The following CA1 variants were observed in gnomAD, a reference collection of about 807,000 sequenced individuals.
CA1 encodes the protein carbonic anhydrase 1, also known as carbonate dehydratase I.
A neutral mutation model predicts 28.8 loss-of-function variants in CA1; 27 were observed. The ratio of observed to expected loss-of-function variants is 0.94; its 90% CI spans 0.69 to 1.29. CA1 has a LOEUF of 1.29. CA1 is among the 50% of genes most tolerant of loss of function. The pLI is 0.00. For missense variants in CA1, 335 were observed against 310.5 expected, an observed-to-expected ratio of 1.08 and a Z score of -0.59; for synonymous variants, 121 against 108.8, an observed-to-expected ratio of 1.11 and a Z score of -0.70.
At position 85,332,556 on chromosome 8, in the gene CA1, G is replaced by A. The variant is rs779530817; in HGVS notation, c.451-4C>T. ...GCTTTGGGTTGGCCTCACCAACCTG[G>A]AGATTTAAGAAAATAAAGTATGAGA... On this transcript the variant is annotated splice_region_variant and splice_polypyrimidine_tract_variant and intron_variant, in intron 5 of 7. Transcript: ENST00000523022. 6.2e-7 allele frequency: 1 copy of A among 1,607,338 alleles called. No homozygotes were observed. Among genetic ancestry groups the A allele is most frequent in the Non-Finnish European group, 8.5e-7 (1 of 1,174,218 alleles).
chr8:85,366,144 C>T (rs75988238), intron 1 of CA1, among the ~76,000 whole-genome samples: 6,110 of 151,416 alleles, frequency 0.04, 189 homozygotes, highest in Non-Finnish European at 0.065. Flanking sequence ...GGGGAGAAGC[C>T]CCACCATGCT....
intron 1 of CA1, among the ~76,000 whole-genome samples, chr8:85,374,208 T>C (rs1810328085): frequency 6.6e-6 from 1 of 152,046 alleles, no homozygotes; most frequent in African/African-American, 2.4e-5. Context: ...ATCAAAAATA[T>C]CACAAAATCT....
At chr8:85,349,440 CT>C (rs1253732818) in intron 1 of CA1, among the ~76,000 whole-genome samples, 1 of 152,286 alleles carries the variant, frequency 6.6e-6, no homozygotes, top group African/African-American at 2.4e-5. Context: ...CTAACAGTAA[CT>C]TTTTTTCATT....
chr8:85,371,560 A>G (rs1252728641), intron 1 of CA1, among the ~76,000 whole-genome samples: 1 of 152,174 alleles, frequency 6.6e-6, no homozygotes, highest in Non-Finnish European at 1.5e-5. Flanking sequence ...CAGCTGGGGC[A>G]GCATCCTTGC....
intron 1 of CA1, among the ~76,000 whole-genome samples, chr8:85,376,399 C>T (rs1396322205): frequency 4.6e-5 from 7 of 151,784 alleles, no homozygotes; most frequent in African/African-American, 7.3e-5. Context: ...CGGTGCCTCA[C>T]ACCTATAATC....
rs1388276278 is a variant in CA1, at chr8:85,328,212, T to G, written c.*348A>C. 1 of 170,754 alleles carries G rather than the reference T, an allele frequency of 5.9e-6. No individual in the cohort carries two copies. Among genetic ancestry groups the G allele is most frequent in the Admixed American group, 6.0e-5 (1 of 16,666 alleles). 10.6% of individuals were successfully genotyped at this position (170,754 alleles called of 1,614,324 possible). On this transcript the variant is annotated 3_prime_UTR_variant, in exon 8 of 8. Coordinates refer to ENST00000523022, the MANE Select transcript of CA1 (RefSeq NM_001128831.4). ...GTAGAAACTTAATGGTTTTAGAAAC[T>G]GAATGCACAACAGAAAGAAAGAGAT...
chr8:85,332,206 A>T (rs1381147845), intron 6 of CA1, among the ~76,000 whole-genome samples: 1 of 152,172 alleles, frequency 6.6e-6, no homozygotes. Flanking sequence ...ATTTTGTTAG[A>T]TATAGTTTTT....
At chr8:85,371,934 T>C (rs1476714052) in intron 1 of CA1, among the ~76,000 whole-genome samples, 1 of 152,190 alleles carries the variant, frequency 6.6e-6, no homozygotes, top group Non-Finnish European at 1.5e-5. Context: ...ACCAAGTATA[T>C]GTCAGGTCCT....
At chr8:85,340,020 C>T (rs552693078) in intron 2 of CA1, among the ~76,000 whole-genome samples, 1 of 152,074 alleles carries the variant, frequency 6.6e-6, no homozygotes, top group African/African-American at 2.4e-5. Flanking sequence ...ATACAGAAGC[C>T]GCAGACAGTT....
intron 6 of CA1, 114 bp from the exon 7 acceptor site, chr8:85,329,958 G>C (rs990306983): frequency 1.1e-6 from 1 of 913,102 alleles, no homozygotes; most frequent in African/African-American, 1.7e-5. Flanking sequence ...TTAGCTAAGA[G>C]TCATTGATTT....
chr8:85,334,788 C>G (rs372549378), intron 4 of CA1, among the ~76,000 whole-genome samples: 2 of 151,984 alleles, frequency 1.3e-5, no homozygotes, highest in East Asian at 1.9e-4. Context: ...GTCAGGAGTT[C>G]GAGATCAGCC....
At chr8:85,349,587 G>A (rs750905695) in intron 1 of CA1, among the ~76,000 whole-genome samples, 37 of 152,260 alleles carry the variant, frequency 2.4e-4, no homozygotes, top group Non-Finnish European at 2.1e-4. Context: ...ATGGGGTATG[G>A]ACCACCATTA....
At chr8:85,373,559 TTTA>T (rs1810308733) in intron 1 of CA1, 1 of 152,228 alleles carries the variant, frequency 6.6e-6, no homozygotes, top group African/African-American at 2.4e-5. Flanking sequence ...GTTGTTCTAT[TTTA>T]TTATTAGTTA....
chr8:85,350,848 G>A (rs1455558474), intron 1 of CA1, among the ~76,000 whole-genome samples: 2 of 152,200 alleles, frequency 1.3e-5, no homozygotes, highest in Non-Finnish European at 2.9e-5. Context: ...ATTTTATGCA[G>A]TGATTCGATC....
At chr8:85,359,002 G>A (rs1266856443) in intron 1 of CA1, among the ~76,000 whole-genome samples, 4 of 152,208 alleles carry the variant, frequency 2.6e-5, no homozygotes, top group African/African-American at 9.6e-5. Context: ...GGTCTTCTAT[G>A]TGCAAAAAAC....
intron 1 of CA1, among the ~76,000 whole-genome samples, chr8:85,367,350 A>G (rs547693847): frequency 1.3e-5 from 2 of 152,284 alleles, no homozygotes; most frequent in African/African-American, 2.4e-5. Flanking sequence ...ATTTTGTACA[A>G]TCTACATGAT....
At chr8:85,331,269 A>G (rs1808382603) in intron 6 of CA1, among the ~76,000 whole-genome samples, 1 of 151,876 alleles carries the variant, frequency 6.6e-6, no homozygotes, top group Non-Finnish European at 1.5e-5. Flanking sequence ...GTCTCTTAAA[A>G]TTTTCTTCTA....
intron 1 of CA1, among the ~76,000 whole-genome samples, chr8:85,354,292 TTTC>T (rs1809524757): frequency 1.8e-5 from 1 of 55,314 alleles, no homozygotes. Flanking sequence ...CTTTCTTTTT[TTTC>T]TTTTTTTTTT....
At chr8:85,368,523 C>T (rs1198345287) in intron 1 of CA1, among the ~76,000 whole-genome samples, 1 of 151,498 alleles carries the variant, frequency 6.6e-6, no homozygotes, top group African/African-American at 2.4e-5. Context: ...GTTGCTTTAA[C>T]AATATGGAGG....
Sources: gnomAD v4.1 joint callset for allele counts (sites outside exome capture counted in the v4.1 genomes callset) on GRCh38, gnomAD v4.1.1 for gene constraint, MANE v1.5 for transcripts, NCBI Gene and HGNC (gene_info 2026-07-23, HGNC 2026-07-21) for gene names.